ARHGAP32: variants seen among roughly 807,000 people sequenced by gnomAD.
ARHGAP32 encodes Rho GTPase activating protein 32, also known as rho GTPase-activating protein 32.
ARHGAP32 carries 51 observed loss-of-function variants against 186.5 expected under a neutral mutation model. The observed-to-expected ratio is 0.27, with a 90% CI of 0.22 to 0.35. The LOEUF is 0.35. Ranked by LOEUF, ARHGAP32 falls within the 10% of genes least tolerant of loss-of-function variation. ARHGAP32 has a pLI of 1.00. For missense variants in ARHGAP32, 2,186 were observed against 2,623.5 expected (o/e 0.83, Z 3.64); for synonymous variants, 950 against 964.3 (o/e 0.99, Z 0.27).
intron 18 of ARHGAP32, among the ~76,000 whole-genome samples, chr11:128,979,873 G>T (rs1413741324): frequency 6.6e-6 from 1 of 152,158 alleles, no homozygotes; most frequent in Non-Finnish European, 1.5e-5. Flanking sequence ...AGAAGATACA[G>T]AAACCATGTT....
chr11:129,019,521 C>A (rs574920570), intron 11 of ARHGAP32, among the ~76,000 whole-genome samples: 1 of 152,250 alleles, frequency 6.6e-6, no homozygotes, highest in Non-Finnish European at 1.5e-5. Flanking sequence ...TATCTCCCAT[C>A]ACATTCTGTG....
chr11:129,177,564 C>A (rs1943947871), intron 1 of ARHGAP32, among the ~76,000 whole-genome samples: 1 of 152,188 alleles, frequency 6.6e-6, no homozygotes, highest in Non-Finnish European at 1.5e-5. Context: ...CTGAATCCAG[C>A]AGCACATCAA....
chr11:129,211,739 G>GT (rs1255329263), intron 1 of ARHGAP32, among the ~76,000 whole-genome samples: 1 of 152,164 alleles, frequency 6.6e-6, no homozygotes, highest in Non-Finnish European at 1.5e-5. Context: ...AGTTGATTGT[G>GT]TTTAATGATC....
intron 1 of ARHGAP32, among the ~76,000 whole-genome samples, chr11:129,277,923 C>T (rs1055063388): frequency 6.6e-6 from 1 of 152,208 alleles, no homozygotes; most frequent in African/African-American, 2.4e-5. Context: ...CTCAGTTAGA[C>T]TTCAATGTAT....
intron 5 of ARHGAP32, among the ~76,000 whole-genome samples, chr11:129,106,898 G>A (rs1263518695): frequency 2.6e-5 from 4 of 152,140 alleles, no homozygotes; most frequent in African/African-American, 9.7e-5. Flanking sequence ...ATGAAAAAGA[G>A]AATGGGGCAA....
chr11:129,247,966 C>G (rs1945123125), intron 1 of ARHGAP32, among the ~76,000 whole-genome samples: 1 of 152,108 alleles, frequency 6.6e-6, no homozygotes, highest in South Asian at 2.1e-4. Flanking sequence ...ACCCAAACAT[C>G]TTCCCCCTGA....
At chr11:129,069,419 C>T (rs1194540670) in intron 6 of ARHGAP32, among the ~76,000 whole-genome samples, 1 of 151,984 alleles carries the variant, frequency 6.6e-6, no homozygotes, top group Non-Finnish European at 1.5e-5. Context: ...GCTGAACCTA[C>T]CAAAAGTAGA....
At chr11:129,120,998 A>G (rs1942514254) in intron 5 of ARHGAP32, among the ~76,000 whole-genome samples, 1 of 152,094 alleles carries the variant, frequency 6.6e-6, no homozygotes, top group Non-Finnish European at 1.5e-5. Context: ...TTCCAACCTT[A>G]TATTGAAAAT....
rs559378265 is a variant in ARHGAP32 at position 129,169,422 on chromosome 11, G to A, written c.117-4995C>T. Among the ~76,000 whole-genome samples, 3 of 152,096 alleles carry A rather than the reference G, an allele frequency of 2.0e-5. No homozygotes were observed. The Middle Eastern group carries it at 0.01, about 521-fold the overall frequency. On this transcript the variant is annotated intron_variant, in intron 1 of 22. Transcript: ENST00000682385. ...TGAGGCGGGTGGATCACGAGGTCAG[G>A]AGATCAAGACCATCCTGCCTAATAC...
chr11:129,139,868 T>C (rs2135424280), intron 2 of ARHGAP32, among the ~76,000 whole-genome samples: 1 of 152,282 alleles, frequency 6.6e-6, no homozygotes, highest in Middle Eastern at 3.4e-3. Flanking sequence ...GAAGTATAAA[T>C]ACCAGAGAAA....
At chr11:129,160,469 G>C (rs1168777832) in intron 2 of ARHGAP32, among the ~76,000 whole-genome samples, 1 of 152,138 alleles carries the variant, frequency 6.6e-6, no homozygotes, top group Admixed American at 6.6e-5. Flanking sequence ...TAGACAAACA[G>C]AGAGCCAAAT....
chr11:129,008,884 C>T (rs952954609), intron 11 of ARHGAP32, among the ~76,000 whole-genome samples: 1 of 152,146 alleles, frequency 6.6e-6, no homozygotes, highest in African/African-American at 2.4e-5. Flanking sequence ...TATAATATCA[C>T]TATATTAAAA....
chr11:129,139,671 T>G (rs1363541839), intron 2 of ARHGAP32, among the ~76,000 whole-genome samples: 2 of 152,172 alleles, frequency 1.3e-5, no homozygotes, highest in Non-Finnish European at 2.9e-5. Context: ...TCTCTCTCTT[T>G]GCCTGCCGCC....
chr11:128,980,526 C>A, intron 18 of ARHGAP32, 27 bp downstream of exon 18: 1 of 1,552,980 alleles, frequency 6.4e-7, no homozygotes, highest in African/African-American at 1.4e-5. Context: ...AAAATCATAT[C>A]CCAAAATAGG....
intron 11 of ARHGAP32, among the ~76,000 whole-genome samples, chr11:129,026,559 G>A (rs1938856550): frequency 6.6e-6 from 1 of 152,106 alleles, no homozygotes; most frequent in African/African-American, 2.4e-5. Flanking sequence ...ACTTTGGGAG[G>A]CCGAGGCAGG....
intron 22 of ARHGAP32, 136 bp downstream of exon 22, chr11:128,972,317 C>T: frequency 1.0e-6 from 1 of 1,004,382 alleles, no homozygotes; most frequent in Non-Finnish European, 1.4e-6. Flanking sequence ...CAAATGGGAA[C>T]TATCTCATGG....
At chr11:128,971,189 A>AT in intron 22 of ARHGAP32, 30 bp from the exon 23 acceptor site, 1 of 1,550,892 alleles carries the variant, frequency 6.4e-7, no homozygotes, top group Non-Finnish European at 8.8e-7. Flanking sequence ...CTATGGGTCT[A>AT]TTTTTTGTTC....
chr11:129,001,135 G>T (rs1399848476), intron 11 of ARHGAP32, among the ~76,000 whole-genome samples: 1 of 151,976 alleles, frequency 6.6e-6, no homozygotes, highest in Non-Finnish European at 1.5e-5. Flanking sequence ...CTTTCTTTTG[G>T]GTATATACCC....
At chr11:129,274,836 G>A (rs1565487209) in intron 1 of ARHGAP32, among the ~76,000 whole-genome samples, 1 of 150,922 alleles carries the variant, frequency 6.6e-6, no homozygotes, top group Admixed American at 6.6e-5. Context: ...AGACTTTAGA[G>A]TACATATACA....
Sources: allele counts gnomAD v4.1 joint callset (sites outside exome capture counted in the v4.1 genomes callset), GRCh38; gene constraint gnomAD v4.1.1; transcripts MANE v1.5; gene names NCBI Gene and HGNC (gene_info 2026-07-23, HGNC 2026-07-21).